VPS18: variants seen among roughly 807,000 people sequenced by gnomAD.
The protein encoded by VPS18 is vacuolar protein sorting-associated protein 18 homolog.
Under a neutral mutation model 82.0 loss-of-function variants are expected in VPS18, and 25 were observed. The ratio of observed to expected loss-of-function variants is 0.30; its 90% confidence interval spans 0.22 to 0.43. The LOEUF (loss-of-function observed/expected upper bound fraction) is 0.43. Among genes scored for constraint, VPS18 ranks in the 20% least tolerant of loss-of-function variants. VPS18 has a pLI of 1.00. For synonymous variants in VPS18, 523 were observed against 543.0 expected, an observed-to-expected ratio of 0.96 and a Z score of 0.51; for missense variants, 1,168 against 1,311.1, an observed-to-expected ratio of 0.89 and a Z score of 1.69.
intron 2 of VPS18, among the ~76,000 whole-genome samples, chr15:40,898,234 G>A (rs146079534): frequency 1.3e-4 from 20 of 151,028 alleles, no homozygotes; most frequent in African/African-American, 3.9e-4. Flanking sequence ...GATTACAGGC[G>A]TGAGCCACCG....
In VPS18 at chr15:40,902,244, C is replaced by G. The variant is rs189254220; in HGVS notation, c.2197-372C>G. On this transcript the variant is annotated intron_variant, in intron 4 of 4. Transcript: ENST00000220509. This position sits in a 1 kb window ranked among gnomAD's most constrained non-coding sequence, Gnocchi z 4.2. ...TCTCCTGGCTCAGCCTCCCGGGTAG[C>G]TGGGACTACAGGCGCCCGCCACCAC... Among the ~76,000 whole-genome samples, 2,504 of 152,094 alleles carry G rather than the reference C, an allele frequency of 0.016. 26 individuals are homozygous for G. The highest frequency in any genetic ancestry group is 0.025 in the Non-Finnish European group (1,727 of 67,972).
At position 40,900,636 on chromosome 15, in the gene VPS18, C is replaced by G; in HGVS notation, c.1818C>G (p.Ile606Met). ...YKFSPILIRHIPRQLVDAWIE... is the reference protein window; with the variant it reads ...YKFSPILIRHMPRQLVDAWIE... ...TCTCACCCATCCTCATCCGTCACAT[C>G]CCCCGCCAGCTTGTAGATGCCTGGA... Residue 606 changes from isoleucine to methionine, a missense_variant, in exon 4 of 5, where the codon ATC (isoleucine) becomes ATG (methionine). Ile to Met is a conservative substitution (Grantham distance 10, BLOSUM62 1). Transcript: ENST00000220509. This position sits in a 1 kb window ranked among gnomAD's most constrained non-coding sequence, Gnocchi z 5.4. The G allele has an allele frequency of 6.2e-7, 1 of 1,614,098 alleles. No individual in the cohort carries two copies. The highest frequency in any genetic ancestry group is 8.5e-7 in the Non-Finnish European group (1 of 1,180,040).
Position 40,894,653 on chromosome 15 carries a change from AG to A in VPS18, c.-114del. The A allele has an allele frequency of 1.0e-6, 1 of 964,718 alleles. No homozygotes were observed. The highest frequency in any genetic ancestry group is 1.8e-5 in the South Asian group (1 of 55,538). The allele number at this position is 964,718 out of a possible 1,614,324, so 59.8% of individuals were successfully genotyped here. Reference sequence around the variant, plus strand: ...GAGGAGGCGACGGCTGCAGGTTCCCAGGATCTGTCAGAGGCTGGGGAGTTAC... The same window carrying A: ...GAGGAGGCGACGGCTGCAGGTTCCCAGATCTGTCAGAGGCTGGGGAGTTAC... On this transcript the variant is annotated 5_prime_UTR_variant, in exon 1 of 5. Coordinates refer to ENST00000220509, the MANE Select transcript of VPS18 (RefSeq NM_020857.3).
Position 40,903,372 on chromosome 15 carries a change from A to G in VPS18, c.*31A>G, listed in dbSNP as rs369026694. On this transcript the variant is annotated 3_prime_UTR_variant, in exon 5 of 5. Coordinates refer to ENST00000220509, the MANE Select transcript of VPS18 (RefSeq NM_020857.3). ...TGTCACCTTTGATGGGGGGTGGGCA[A>G]TGGGGAGCAGTGGCTTGAACCCACT... 5.3e-6 allele frequency: 8 copies of G among 1,516,244 alleles called. No homozygotes were observed. Among genetic ancestry groups the G allele is most frequent in the South Asian group, 1.3e-5 (1 of 75,684 alleles). 93.9% of individuals were successfully genotyped at this position (1,516,244 alleles called of 1,614,324 possible).
In VPS18 at chr15:40,900,030, C is replaced by A. The variant is rs1303421463; in HGVS notation, c.1212C>A (p.Asp404Glu). 19 of 1,614,016 alleles carry A rather than the reference C, an allele frequency of 1.2e-5. No homozygotes were observed. The highest frequency in any genetic ancestry group is 1.6e-5 in the Non-Finnish European group (19 of 1,180,014). ...GAGATGTCTGGCGCACCTATCTGGA[C>A]ATGAACCGCTTCGATCTGGCCAAAG... ...EARDVWRTYL[D>E]MNRFDLAKEY... The change falls in exon 4 of 5, where the codon GAC becomes GAA. Residue 404 changes from aspartate (D) to glutamate (E), a missense_variant. Physicochemically the swap from Asp to Glu is conservative, Grantham distance 45. Coordinates refer to ENST00000220509, the MANE Select transcript of VPS18 (RefSeq NM_020857.3). The surrounding 1 kb of genome is among the most constrained non-coding windows in gnomAD (Gnocchi z 5.4).
At chr15:40,896,297 G>A (rs945294684) in intron 2 of VPS18, among the ~76,000 whole-genome samples, 4 of 152,108 alleles carry the variant, frequency 2.6e-5, no homozygotes, top group African/African-American at 7.2e-5. Context: ...TCAGCACTTC[G>A]GGAGGCCAAG....
At position 40,899,171 on chromosome 15, in the gene VPS18, G is replaced by A. The variant is rs758155630; in HGVS notation, c.353G>A (p.Ser118Asn). 6.2e-7 allele frequency: 1 copy of A among 1,614,050 alleles called. No homozygotes were observed. Among genetic ancestry groups the A allele is most frequent in the Non-Finnish European group, 8.5e-7 (1 of 1,179,946 alleles). The change falls in exon 4 of 5, where the codon AGC (serine) becomes AAC (asparagine). Residue 118 changes from serine to asparagine, a missense_variant. Physicochemically the swap from Ser to Asn is conservative, Grantham distance 46. Around this residue, in one of 3 missense-constraint regions of VPS18, gnomAD observed 868 missense variants for 939.8 expected, o/e 0.92. Coordinates refer to ENST00000220509, the MANE Select transcript of VPS18 (RefSeq NM_020857.3). This position sits in a 1 kb window ranked among gnomAD's most constrained non-coding sequence, Gnocchi z 4.4. ...TCTCACCTGCTGATTGCCCTGAGCA[G>A]CACGGAGGTCCTCTACGTGAACCGA... is the stretch of plus-strand genomic sequence containing the variant. The part of the protein sequence containing the change: ...TGSHLLIALS[S>N]TEVLYVNRNG...
In VPS18 at chr15:40,896,098, A is replaced by T; in HGVS notation, c.233+19A>T. 1 of 1,614,044 alleles carries T rather than the reference A, an allele frequency of 6.2e-7. No individual in the cohort carries two copies. The highest frequency in any genetic ancestry group is 1.1e-5 in the South Asian group (1 of 91,078). ...TGCTCCGGTAATCAAGAGCTCACAG[A>T]GCTTAGGAGTAGGGACTAGAGAGGT... On this transcript the variant is annotated intron_variant, in intron 2 of 4. Transcript: ENST00000220509.
Position 40,895,767 on chromosome 15 carries a change from T to C in VPS18, c.92-171T>C, listed in dbSNP as rs79831152. On this transcript the variant is annotated intron_variant, in intron 1 of 4. Coordinates refer to ENST00000220509, the MANE Select transcript of VPS18 (RefSeq NM_020857.3). Reference sequence around the variant, plus strand: ...GTGTGGAAAGAGCTCCAGACCTCTATTGTAAAGGTGACCAGCAAACGACTT... The same window carrying C: ...GTGTGGAAAGAGCTCCAGACCTCTACTGTAAAGGTGACCAGCAAACGACTT... Among the ~76,000 whole-genome samples the C allele has an allele frequency of 2.0e-5, 3 of 152,290 alleles. No homozygotes were observed. The East Asian group carries it at 5.8e-4, about 29-fold the overall frequency.
At position 40,900,234 on chromosome 15, in the gene VPS18, C is replaced by T. The variant is rs1471153425; in HGVS notation, c.1416C>T (p.Phe472=). ...GACAGGAGGAGGCTCTGGCTGAGTT[C>T]CTGCAGCGAAAACTGGCCAGTTTGA... ...EARQEEALAE[F]LQRKLASLKP... is the part of the protein sequence containing the mutation. The change falls in exon 4 of 5, where the codon TTC becomes TTT. Residue 472 remains phenylalanine (F), a synonymous_variant. Coordinates refer to ENST00000220509, the MANE Select transcript of VPS18 (RefSeq NM_020857.3). The surrounding 1 kb of genome is among the most constrained non-coding windows in gnomAD (Gnocchi z 5.4). 7 of 1,613,708 alleles carry T rather than the reference C, an allele frequency of 4.3e-6. No individual in the cohort carries two copies. Among genetic ancestry groups the T allele is most frequent in the Non-Finnish European group, 5.9e-6 (7 of 1,180,022 alleles).
In VPS18 at chr15:40,898,253, CTT is replaced by C. The variant is rs557809560; in HGVS notation, c.234-641_234-640del. On this transcript the variant is annotated intron_variant, in intron 2 of 4. Transcript: ENST00000220509. ...ACAGGCGTGAGCCACCGCGCCCGGC[CTT>C]TTTTTTTTTTTTCCCCCCTTTTTGT... Among the ~76,000 whole-genome samples, 1,428 of 142,808 alleles carry C rather than the reference CTT, an allele frequency of 1.0e-2. 33 individuals carry two copies. Among genetic ancestry groups the C allele is most frequent in the African/African-American group, 0.035 (1,362 of 39,438 alleles). 93.7% of individuals were successfully genotyped at this position (142,808 alleles called of 152,430 possible).
chr15:40,899,508 G>T lies in VPS18; in HGVS notation c.690G>T (p.Gln230His). The change falls in exon 4 of 5, where the codon CAG becomes CAT. Residue 230 changes from glutamine to histidine, a missense_variant. Gln to His is a conservative substitution (Grantham distance 24, BLOSUM62 0). This residue lies in a region of VPS18 where 868 missense variants were observed against 939.8 expected (regional missense o/e 0.92). Transcript: ENST00000220509. This position sits in a 1 kb window ranked among gnomAD's most constrained non-coding sequence, Gnocchi z 4.4. ...VIATTRQRLF[Q>H]FIGRAAEGAE... ...CCACCACTCGGCAGCGCCTCTTCCA[G>T]TTCATAGGCCGAGCAGCAGAGGGGG... 2 of 1,611,470 alleles carry T rather than the reference G, an allele frequency of 1.2e-6. No homozygotes were observed. The highest frequency in any genetic ancestry group is 8.5e-7 in the Non-Finnish European group (1 of 1,179,984).
chr15:40,895,121 C>T (rs1892206429), intron 1 of VPS18, among the ~76,000 whole-genome samples: 1 of 152,214 alleles, frequency 6.6e-6, no homozygotes, highest in Admixed American at 6.5e-5. Context: ...AGGAATTACT[C>T]ACCTACAGGG....
At chr15:40,895,802 C>CTA in intron 1 of VPS18, 136 bp from the exon 2 acceptor site, 1 of 1,228,576 alleles carries the variant, frequency 8.1e-7, no homozygotes, top group Non-Finnish European at 1.1e-6. Context: ...TGATATCAAA[C>CTA]TATTTGTTAA....
Position 40,900,966 on chromosome 15 carries a change from C to T in VPS18, c.2148C>T (p.Val716=), listed in dbSNP as rs758480048. The T allele has an allele frequency of 6.2e-7, 1 of 1,610,772 alleles. No individual in the cohort carries two copies. The highest frequency in any genetic ancestry group is 1.7e-5 in the Admixed American group (1 of 60,024). ...GCCACCACCGCGCTTGTGTCCATGT[C>T]TACAAGGTCCTAGAGCTGTATGAGG... ...EHGHHRACVH[V]YKVLELYEEA... Residue 716 remains valine, a synonymous_variant, in exon 4 of 5, where the codon GTC becomes GTT. Coordinates refer to ENST00000220509, the MANE Select transcript of VPS18 (RefSeq NM_020857.3). This position sits in a 1 kb window ranked among gnomAD's most constrained non-coding sequence, Gnocchi z 5.4.
Position 40,900,475 on chromosome 15 carries a change from A to G in VPS18, c.1657A>G (p.Thr553Ala). 6.2e-7 allele frequency: 1 copy of G among 1,614,090 alleles called. No homozygotes were observed. The highest frequency in any genetic ancestry group is 8.5e-7 in the Non-Finnish European group (1 of 1,180,014). Reference protein sequence around the residue: ...IHELLASHGDTEHMVYFAVIM... With the variant: ...IHELLASHGDAEHMVYFAVIM... ...TGAGCTGCTCGCCAGTCATGGGGACACAGAACACATGGTGTACTTTGCAGT... is the reference window on the plus strand; with the variant it reads ...TGAGCTGCTCGCCAGTCATGGGGACGCAGAACACATGGTGTACTTTGCAGT... The change falls in exon 4 of 5, where the codon ACA becomes GCA. Residue 553 changes from threonine to alanine, a missense_variant. Thr to Ala is a moderately conservative substitution (Grantham distance 58). Transcript: ENST00000220509. This position sits in a 1 kb window ranked among gnomAD's most constrained non-coding sequence, Gnocchi z 5.4.
At position 40,903,140 on chromosome 15, in the gene VPS18, C is replaced by G. The variant is rs776901421; in HGVS notation, c.2721C>G (p.Pro907=). Residue 907 remains proline, a synonymous_variant, in exon 5 of 5, where the codon CCC becomes CCG. Transcript: ENST00000220509. The stretch of plus-strand genomic sequence containing the variant: ...AGAGGAAGCTGGGGGCTGCTCCACC[C>G]CCAGCCAAGGGCTCTGCCCGGGCCA... ...ELQRKLGAAP[P]PAKGSARAKE... is the part of the protein sequence containing the mutation. The G allele has an allele frequency of 6.2e-7, 1 of 1,608,554 alleles. No homozygotes were observed. The highest frequency in any genetic ancestry group is 8.5e-7 in the Non-Finnish European group (1 of 1,177,344).
rs553644874 is a variant in VPS18 at position 40,894,654 on chromosome 15, G to A, written c.-115G>A. 1.3e-5 allele frequency: 13 copies of A among 976,664 alleles called. No homozygotes were observed. In the South Asian group the frequency reaches 2.3e-4, roughly 17 times the overall value. 60.5% of individuals were successfully genotyped at this position (976,664 alleles called of 1,614,324 possible). A position where few individuals can be genotyped will look rare whatever the true frequency, so the allele number is the denominator to read the frequency against. On this transcript the variant is annotated 5_prime_UTR_variant, in exon 1 of 5. Coordinates refer to ENST00000220509, the MANE Select transcript of VPS18 (RefSeq NM_020857.3). ...AGGAGGCGACGGCTGCAGGTTCCCA[G>A]GATCTGTCAGAGGCTGGGGAGTTAC...
At chr15:40,895,401 G>A (rs991010373) in intron 1 of VPS18, among the ~76,000 whole-genome samples, 2 of 152,160 alleles carry the variant, frequency 1.3e-5, no homozygotes, top group African/African-American at 2.4e-5. Context: ...CCAGGAGAAT[G>A]AGGGCATAGG....
Sources: gnomAD v4.1 joint callset for allele counts (sites outside exome capture counted in the v4.1 genomes callset) on GRCh38, gnomAD v4.1.1 for gene constraint, gnomAD v4.1.1 regional missense constraint, Gnocchi (gnomAD v3.1) non-coding constraint, MANE v1.5 for transcripts, NCBI Gene and HGNC (gene_info 2026-07-23, HGNC 2026-07-21) for gene names.